FRMD4A: variants seen among roughly 807,000 people sequenced by gnomAD.
The protein encoded by FRMD4A is FERM domain containing 4A, also known as FERM domain-containing protein 4A.
A neutral mutation model predicts 129.1 loss-of-function variants in FRMD4A; 29 were observed. That is an observed-to-expected ratio of 0.22 (90% CI 0.17 to 0.31). The LOEUF (loss-of-function observed/expected upper bound fraction) is 0.31. Ranked by LOEUF, FRMD4A falls within the 10% of genes least tolerant of loss-of-function variation. FRMD4A has a pLI of 1.00. For missense variants in FRMD4A, 1,272 were observed against 1,375.8 expected, an observed-to-expected ratio of 0.92 and a Z score of 1.19; for synonymous variants, 634 against 571.6, an observed-to-expected ratio of 1.11 and a Z score of -1.56.
intron 2 of FRMD4A, among the ~76,000 whole-genome samples, chr10:14,118,346 AC>A (rs1485024913): frequency 2.0e-5 from 3 of 152,048 alleles, no homozygotes; most frequent in Admixed American, 2.0e-4. Context: ...GTCTTGGGGG[AC>A]CCAGACTCTG....
chr10:14,215,869 C>T (rs1444248378), intron 2 of FRMD4A, among the ~76,000 whole-genome samples: 2 of 152,276 alleles, frequency 1.3e-5, no homozygotes, highest in South Asian at 4.1e-4. Flanking sequence ...TCAGTTGCTA[C>T]TGTCCTTACT....
At chr10:13,723,347 AC>A (rs2089615540) in intron 12 of FRMD4A, among the ~76,000 whole-genome samples, 2 of 152,164 alleles carry the variant, frequency 1.3e-5, no homozygotes, top group Non-Finnish European at 2.9e-5. Flanking sequence ...GGATATTAAA[AC>A]CCTATGGTTA....
intron 2 of FRMD4A, among the ~76,000 whole-genome samples, chr10:14,123,649 C>T (rs1838663098): frequency 6.6e-6 from 1 of 152,168 alleles, no homozygotes; most frequent in Non-Finnish European, 1.5e-5. Context: ...GTGGAAAAGT[C>T]TTGACATATA....
chr10:13,671,815 C>A (rs2083532786), intron 16 of FRMD4A, among the ~76,000 whole-genome samples: 1 of 152,250 alleles, frequency 6.6e-6, no homozygotes, highest in African/African-American at 2.4e-5. Context: ...TCTCTAATGG[C>A]AAAGTGGGCA....
At chr10:14,118,873 T>C (rs996096102) in intron 2 of FRMD4A, among the ~76,000 whole-genome samples, 4 of 152,094 alleles carry the variant, frequency 2.6e-5, no homozygotes, top group African/African-American at 9.7e-5. Flanking sequence ...CCAAACCATA[T>C]CACTGACTAT....
Position 13,858,886 on chromosome 10 carries a change from T to C in FRMD4A, c.72A>G (p.Val24=). 1.2e-6 allele frequency: 2 copies of C among 1,605,776 alleles called. No homozygotes were observed. Among genetic ancestry groups the C allele is most frequent in the Non-Finnish European group, 1.7e-6 (2 of 1,172,350 alleles). ...LMMTEGRRCQ[V]HLLDDRKLEL... ...CCAGCTTCCTGTCATCAAGAAGATG[T>C]ACTTGACATCGGCGGCCCTCCGTCA... is the stretch of plus-strand genomic sequence containing the variant. The change falls in exon 3 of 25, where the codon GTA becomes GTG. Residue 24 remains valine (V), a synonymous_variant. Coordinates refer to ENST00000357447, the MANE Select transcript of FRMD4A (RefSeq NM_018027.5).
At chr10:13,689,495 G>C (rs1466311638) in intron 15 of FRMD4A, among the ~76,000 whole-genome samples, 1 of 150,712 alleles carries the variant, frequency 6.6e-6, no homozygotes, top group Admixed American at 6.6e-5. Flanking sequence ...TCCTATGGGA[G>C]GTATCAGCAA....
rs1491315574 is a variant in FRMD4A, at chr10:14,261,986, A to ACACACACC, written c.45+68071_45+68072insGGTGTGTG. On this transcript the variant is annotated intron_variant, in intron 2 of 24. Transcript: ENST00000357447. ...CACACACACACACACACACACACACACCTCATTTTCCCTAGTTCCCCTCTC... is the reference window on the plus strand; with the variant it reads ...CACACACACACACACACACACACACACACACACCCCTCATTTTCCCTAGTTCCCCTCTC... 2.1e-3 allele frequency among the ~76,000 whole-genome samples: 296 copies of ACACACACC among 139,170 alleles called. 1 individual carries two copies. The highest frequency in any genetic ancestry group is 6.3e-3 in the South Asian group (27 of 4,320). The allele number at this position is 139,170 out of a possible 152,430, so 91.3% of individuals were successfully genotyped here. A position where few individuals can be genotyped will look rare whatever the true frequency, so the allele number is the denominator to read the frequency against.
chr10:13,823,294 G>A (rs2093655846), intron 3 of FRMD4A, among the ~76,000 whole-genome samples: 1 of 152,160 alleles, frequency 6.6e-6, no homozygotes, highest in African/African-American at 2.4e-5. Context: ...GAGGCCTCCT[G>A]ATGAATAGAG....
chr10:13,927,090 C>T (rs765248363), intron 2 of FRMD4A, among the ~76,000 whole-genome samples: 1 of 152,076 alleles, frequency 6.6e-6, no homozygotes, highest in Non-Finnish European at 1.5e-5. Context: ...CTCATCTCTA[C>T]TAAAAATACA....
chr10:13,829,016 T>C (rs1371668284), intron 3 of FRMD4A, among the ~76,000 whole-genome samples: 2 of 152,212 alleles, frequency 1.3e-5, no homozygotes, highest in African/African-American at 2.4e-5. Context: ...TGGTTTTTAG[T>C]TCTCTGAGAA....
At chr10:13,811,114 T>A (rs887110692) in intron 3 of FRMD4A, among the ~76,000 whole-genome samples, 2 of 151,646 alleles carry the variant, frequency 1.3e-5, no homozygotes, top group Non-Finnish European at 1.5e-5. Flanking sequence ...GATAGAGACC[T>A]TCTGTTTTGT....
In FRMD4A at chr10:14,078,232, C is replaced by G. The variant is rs375312193; in HGVS notation, c.46-219320G>C. Among the ~76,000 whole-genome samples the G allele has an allele frequency of 2.6e-5, 4 of 152,174 alleles. No homozygotes were observed. In the East Asian group the frequency reaches 7.7e-4, roughly 29 times the overall value. The stretch of plus-strand genomic sequence containing the variant: ...TGAACCCAGCCATGATTGCAACATT[C>G]TCATGGCCATTCTTTTGGAATTCCA... On this transcript the variant is annotated intron_variant, in intron 2 of 24. Transcript: ENST00000357447.
At chr10:14,178,682 A>C (rs1841813356) in intron 2 of FRMD4A, among the ~76,000 whole-genome samples, 1 of 152,196 alleles carries the variant, frequency 6.6e-6, no homozygotes. Context: ...TTACCAAAGT[A>C]TCCAGAAGCA....
intron 2 of FRMD4A, among the ~76,000 whole-genome samples, chr10:14,139,012 A>G (rs1161666687): frequency 1.3e-5 from 2 of 152,204 alleles, no homozygotes; most frequent in African/African-American, 4.8e-5. Flanking sequence ...CATCATGGCT[A>G]GGAATCTCAA....
At chr10:14,027,184 G>T (rs1205598449) in intron 2 of FRMD4A, among the ~76,000 whole-genome samples, 1 of 152,178 alleles carries the variant, frequency 6.6e-6, no homozygotes, top group Non-Finnish European at 1.5e-5. Context: ...TATACTACTT[G>T]TTTGTTTCAT....
At chr10:14,082,661 G>C (rs1835997291) in intron 2 of FRMD4A, among the ~76,000 whole-genome samples, 1 of 152,164 alleles carries the variant, frequency 6.6e-6, no homozygotes, top group African/African-American at 2.4e-5. Flanking sequence ...ATTTCAGTTG[G>C]TGACTGGTTT....
intron 2 of FRMD4A, among the ~76,000 whole-genome samples, chr10:14,076,618 C>T (rs558432517): frequency 4.2e-4 from 63 of 150,770 alleles, no homozygotes; most frequent in Non-Finnish European, 7.7e-4. Flanking sequence ...CCAGCCTGGG[C>T]GACAGAGCGA....
intron 2 of FRMD4A, among the ~76,000 whole-genome samples, chr10:14,244,466 C>A (rs1269613087): frequency 6.6e-6 from 1 of 152,170 alleles, no homozygotes; most frequent in Non-Finnish European, 1.5e-5. Flanking sequence ...GAGATGGGGG[C>A]TCTTGTATCC....
Sources: gnomAD v4.1 joint callset for allele counts (sites outside exome capture counted in the v4.1 genomes callset) on GRCh38, gnomAD v4.1.1 for gene constraint, MANE v1.5 for transcripts, NCBI Gene and HGNC (gene_info 2026-07-23, HGNC 2026-07-21) for gene names.